Variants in KIF13B observed in about 807,000 individuals in gnomAD.
KIF13B encodes kinesin family member 13B.
KIF13B carries 127 observed loss-of-function variants against 222.0 expected under a neutral mutation model. That is an observed-to-expected ratio of 0.57 (90% CI 0.50 to 0.66). The LOEUF is 0.66. KIF13B is among the 30% of genes least tolerant of loss of function. The probability of loss-of-function intolerance (pLI) is 0.00; values close to 1 mark genes in which losing one functional copy is unlikely to be tolerated. For missense variants in KIF13B, 2,173 were observed against 2,379.0 expected (o/e 0.91, Z 1.80); for synonymous variants, 976 against 919.0 (o/e 1.06, Z -1.12).
At chr8:29,188,379 A>G in intron 5 of KIF13B, 136 bp downstream of exon 5, 1 of 558,844 alleles carries the variant, frequency 1.8e-6, no homozygotes, top group Non-Finnish European at 3.1e-6. Flanking sequence ...GTTACTGACT[A>G]CTTTCAACAT....
chr8:29,220,984 G>A (rs1814716618), intron 2 of KIF13B, among the ~76,000 whole-genome samples: 1 of 151,502 alleles, frequency 6.6e-6, no homozygotes, highest in Non-Finnish European at 1.5e-5. Flanking sequence ...ATTTAAATAT[G>A]TACATACATT....
chr8:29,175,328 T>A (rs754511084), intron 10 of KIF13B, among the ~76,000 whole-genome samples: 1 of 152,186 alleles, frequency 6.6e-6, no homozygotes, highest in Non-Finnish European at 1.5e-5. Flanking sequence ...TTACATGTTA[T>A]CACCATCTCT....
chr8:29,086,825 T>C (rs981747676), intron 37 of KIF13B, among the ~76,000 whole-genome samples: 6 of 152,346 alleles, frequency 3.9e-5, no homozygotes, highest in Admixed American at 1.3e-4. Flanking sequence ...CTTGATGTTA[T>C]CTAAACATTT....
Position 29,228,472 on chromosome 8 carries a change from A to AAAAAAAAAAAATATATATAT in KIF13B, c.149+16873_149+16874insATATATATATTTTTTTTTTT. 2.1e-4 allele frequency among the ~76,000 whole-genome samples: 24 copies of AAAAAAAAAAAATATATATAT among 117,072 alleles called. 1 individual carries two copies. Among genetic ancestry groups the AAAAAAAAAAAATATATATAT allele is most frequent in the African/African-American group, 4.9e-4 (15 of 30,722 alleles). The allele number at this position is 117,072 out of a possible 152,430, so 76.8% of individuals were successfully genotyped here. On this transcript the variant is annotated intron_variant, in intron 2 of 39. Coordinates refer to ENST00000524189, the MANE Select transcript of KIF13B (RefSeq NM_015254.4). ...ACAGAGCCAGACTCCATCTTAAAAA[A>AAAAAAAAAAAATATATATAT]ATATATATATATATATATGAGATAC... is the stretch of plus-strand genomic sequence containing the variant.
At chr8:29,146,077 A>G in intron 18 of KIF13B, 1 of 561,726 alleles carries the variant, frequency 1.8e-6, no homozygotes, top group Non-Finnish European at 3.1e-6. Context: ...ACATTCGGGG[A>G]AGATTAATCA....
At chr8:29,199,430 T>C (rs1389785134) in intron 2 of KIF13B, among the ~76,000 whole-genome samples, 1 of 152,174 alleles carries the variant, frequency 6.6e-6, no homozygotes. Context: ...ATACTTCAGG[T>C]TGTGATGTGA....
chr8:29,180,756 C>T (rs1410080540), intron 7 of KIF13B, among the ~76,000 whole-genome samples: 1 of 151,612 alleles, frequency 6.6e-6, no homozygotes, highest in East Asian at 1.9e-4. Flanking sequence ...CACTTGGTTG[C>T]TACTACTACT....
In KIF13B at chr8:29,134,172, C is replaced by A; in HGVS notation, c.2652G>T (p.Leu884=). 2 of 1,614,006 alleles carry A rather than the reference C, an allele frequency of 1.2e-6. No homozygotes were observed. Among genetic ancestry groups the A allele is most frequent in the South Asian group, 2.2e-5 (2 of 91,084 alleles). Residue 884 remains leucine, a synonymous_variant, in exon 22 of 40, where the codon CTG becomes CTT. Coordinates refer to ENST00000524189, the MANE Select transcript of KIF13B (RefSeq NM_015254.4). ...TGTATTTGCAGAACACAAAGTGGGA[C>A]AGATGCTGTGGCAACCCAGTAGCTT... is the stretch of plus-strand genomic sequence containing the variant. ...ILQATGLPQH[L]SHFVFCKYSF...
At chr8:29,247,846 A>AT (rs1816099328) in intron 1 of KIF13B, among the ~76,000 whole-genome samples, 2 of 151,448 alleles carry the variant, frequency 1.3e-5, no homozygotes, top group Non-Finnish European at 2.9e-5. Flanking sequence ...AAAAAAAAAA[A>AT]AAAAAAAAAA....
chr8:29,255,672 T>C (rs991499274), intron 1 of KIF13B, among the ~76,000 whole-genome samples: 1 of 152,080 alleles, frequency 6.6e-6, no homozygotes, highest in Non-Finnish European at 1.5e-5. Flanking sequence ...GCTGCCTCCA[T>C]ACTGGCACGC....
At chr8:29,107,776 G>A (rs867587270) in intron 35 of KIF13B, among the ~76,000 whole-genome samples, 3 of 152,112 alleles carry the variant, frequency 2.0e-5, no homozygotes, top group South Asian at 2.1e-4. Context: ...TAGCCAGGAT[G>A]GTCTCGATCT....
At chr8:29,077,931 G>T (rs538862040) in intron 37 of KIF13B, among the ~76,000 whole-genome samples, 4 of 152,074 alleles carry the variant, frequency 2.6e-5, no homozygotes, top group Admixed American at 2.0e-4. Flanking sequence ...TGATTGGTGG[G>T]GAACACATAA....
At chr8:29,262,782 G>A (rs1197330862) in intron 1 of KIF13B, among the ~76,000 whole-genome samples, 198 bp downstream of exon 1, 1 of 150,984 alleles carries the variant, frequency 6.6e-6, no homozygotes, top group East Asian at 2.0e-4. Flanking sequence ...GACGGGGCTG[G>A]CCAGGGGGGA....
chr8:29,133,932 G>C (rs1055138281), intron 22 of KIF13B, 108 bp downstream of exon 22: 16 of 1,056,988 alleles, frequency 1.5e-5, no homozygotes, highest in Middle Eastern at 5.0e-4. Context: ...TACAGAAACT[G>C]CTCCAAGACA....
chr8:29,181,782 T>C (rs1812723706), intron 7 of KIF13B, 137 bp downstream of exon 7: 2 of 507,774 alleles, frequency 3.9e-6, no homozygotes, highest in African/African-American at 2.0e-5. Context: ...ATCTCATTTT[T>C]AGGATTTTTG....
At chr8:29,131,308 C>A (rs1431479436) in intron 23 of KIF13B, among the ~76,000 whole-genome samples, 7 of 150,706 alleles carry the variant, frequency 4.6e-5, no homozygotes, top group African/African-American at 1.7e-4. Context: ...TGCACATGTA[C>A]CCCCAAATCT....
chr8:29,254,068 G>A (rs1212345454), intron 1 of KIF13B, among the ~76,000 whole-genome samples: 1 of 152,060 alleles, frequency 6.6e-6, no homozygotes, highest in African/African-American at 2.4e-5. Flanking sequence ...TTTTGACAAG[G>A]GTACCAAGAC....
chr8:29,236,483 A>G (rs1285297434), intron 2 of KIF13B, among the ~76,000 whole-genome samples: 1 of 152,210 alleles, frequency 6.6e-6, no homozygotes, highest in African/African-American at 2.4e-5. Context: ...GTTTTTAAAA[A>G]TTAAATTGCA....
At chr8:29,085,998 C>T (rs1245759786) in intron 37 of KIF13B, among the ~76,000 whole-genome samples, 1 of 152,176 alleles carries the variant, frequency 6.6e-6, no homozygotes, top group Non-Finnish European at 1.5e-5. Context: ...AATCCTTCCC[C>T]TCCTTGGTGC....
Sources: gnomAD v4.1 joint callset for allele counts (sites outside exome capture counted in the v4.1 genomes callset) on GRCh38, gnomAD v4.1.1 for gene constraint, MANE v1.5 for transcripts, NCBI Gene and HGNC (gene_info 2026-07-23, HGNC 2026-07-21) for gene names.